Variants in NAB1 observed in about 807,000 individuals in gnomAD.
NAB1 encodes the protein NGFI-A-binding protein 1.
A neutral mutation model predicts 49.9 loss-of-function variants in NAB1; 25 were observed. The observed-to-expected ratio is 0.50, with a 90% confidence interval of 0.37 to 0.70. The LOEUF (loss-of-function observed/expected upper bound fraction) is 0.70. Ranked by LOEUF, NAB1 falls within the 30% of genes least tolerant of loss-of-function variation. The pLI is 0.00. For missense variants in NAB1, 489 were observed against 575.9 expected (o/e 0.85, Z 1.54); for synonymous variants, 198 against 215.6 (o/e 0.92, Z 0.71).
At position 190,689,632 on chromosome 2, in the gene NAB1, C is replaced by T. The variant is rs1028441453; in HGVS notation, c.1376-613C>T. On this transcript the variant is annotated intron_variant, in intron 9 of 9. Coordinates refer to ENST00000337386, the MANE Select transcript of NAB1 (RefSeq NM_005966.4). This position sits in a 1 kb window ranked among gnomAD's most constrained non-coding sequence, Gnocchi z 4.3. Reference sequence around the variant, plus strand: ...TTTGTGTATGGTTGAAATAACTGTACACATAGAACTCCATGGAATGATTTC... The same window carrying T: ...TTTGTGTATGGTTGAAATAACTGTATACATAGAACTCCATGGAATGATTTC... Among the ~76,000 whole-genome samples, 1 of 152,066 alleles carries T rather than the reference C, an allele frequency of 6.6e-6. No homozygotes were observed. Among genetic ancestry groups the T allele is most frequent in the Non-Finnish European group, 1.5e-5 (1 of 67,990 alleles).
intron 4 of NAB1, among the ~76,000 whole-genome samples, chr2:190,668,461 T>G (rs1459287205): frequency 6.6e-6 from 1 of 152,170 alleles, no homozygotes; most frequent in East Asian, 1.9e-4. Flanking sequence ...TTCAATTCAT[T>G]CGTCAGTCAA....
At chr2:190,688,828 T>C (rs28361374) in intron 9 of NAB1, among the ~76,000 whole-genome samples, 5 of 146,440 alleles carry the variant, frequency 3.4e-5, no homozygotes, top group African/African-American at 1.4e-4. Context: ...CCTTTCTTTC[T>C]TTTCTTTTCT....
chr2:190,686,106 G>T lies in NAB1; in HGVS notation c.1258+468G>T, dbSNP rs116881005. Among the ~76,000 whole-genome samples, 1 of 152,162 alleles carries T rather than the reference G, an allele frequency of 6.6e-6. No individual in the cohort carries two copies. The highest frequency in any genetic ancestry group is 2.4e-5 in the African/African-American group (1 of 41,442). ...TCAGGTTTAGAAAGCCATGTGATTC[G>T]TGAGTGTTTTTACCATTCTAAAAAG... On this transcript the variant is annotated intron_variant, in intron 8 of 9. Coordinates refer to ENST00000337386, the MANE Select transcript of NAB1 (RefSeq NM_005966.4). This position sits in a 1 kb window ranked among gnomAD's most constrained non-coding sequence, Gnocchi z 5.5.
rs1443017611 is a variant in NAB1, at chr2:190,684,798, T to G, written c.1096-678T>G. ...ATCACATATAAGTAATTTAGAGCAG[T>G]GCATTGAAAAGGAACTTATAAAACA... is the stretch of plus-strand genomic sequence containing the variant. On this transcript the variant is annotated intron_variant, in intron 7 of 9. Transcript: ENST00000337386. This position sits in a 1 kb window ranked among gnomAD's most constrained non-coding sequence, Gnocchi z 4.6. Among the ~76,000 whole-genome samples, 1 of 152,220 alleles carries G rather than the reference T, an allele frequency of 6.6e-6. No homozygotes were observed. Among genetic ancestry groups the G allele is most frequent in the Non-Finnish European group, 1.5e-5 (1 of 68,032 alleles).
In NAB1 at chr2:190,678,732, C is replaced by T. The variant is rs1695191792; in HGVS notation, c.1006-5006C>T. Among the ~76,000 whole-genome samples the T allele has an allele frequency of 6.6e-6, 1 of 152,210 alleles. No homozygotes were observed. Among genetic ancestry groups the T allele is most frequent in the South Asian group, 2.1e-4 (1 of 4,836 alleles). ...GAAAGAGGTTCAGAATATCCACCTACGCTGCTACTAAGCTTGTTGAAAAGA... is the reference window on the plus strand; with the variant it reads ...GAAAGAGGTTCAGAATATCCACCTATGCTGCTACTAAGCTTGTTGAAAAGA... On this transcript the variant is annotated intron_variant, in intron 6 of 9. Transcript: ENST00000337386. The surrounding 1 kb of genome is among the most constrained non-coding windows in gnomAD (Gnocchi z 4.9).
At position 190,682,044 on chromosome 2, in the gene NAB1, G is replaced by C. The variant is rs1299435352; in HGVS notation, c.1006-1694G>C. Among the ~76,000 whole-genome samples the C allele has an allele frequency of 6.6e-6, 1 of 152,074 alleles. No individual in the cohort carries two copies. Among genetic ancestry groups the C allele is most frequent in the African/African-American group, 2.4e-5 (1 of 41,410 alleles). ...TCACTAAAGTTACTAAAACCATGCTGTCATGATATTTTGTAGTTATAATGA... is the reference window on the plus strand; with the variant it reads ...TCACTAAAGTTACTAAAACCATGCTCTCATGATATTTTGTAGTTATAATGA... On this transcript the variant is annotated intron_variant, in intron 6 of 9. Transcript: ENST00000337386. The surrounding 1 kb of genome is among the most constrained non-coding windows in gnomAD (Gnocchi z 4.1).
chr2:190,665,572 A>T (rs1265224951), intron 4 of NAB1, among the ~76,000 whole-genome samples: 1 of 152,098 alleles, frequency 6.6e-6, no homozygotes, highest in East Asian at 1.9e-4. Flanking sequence ...GATTTATGTG[A>T]ATTCATATTT....
In NAB1 at chr2:190,676,463, T is replaced by G. The variant is rs1695075972; in HGVS notation, c.1005+3311T>G. On this transcript the variant is annotated intron_variant, in intron 6 of 9. Coordinates refer to ENST00000337386, the MANE Select transcript of NAB1 (RefSeq NM_005966.4). The surrounding 1 kb of genome is among the most constrained non-coding windows in gnomAD (Gnocchi z 4.6). ...AATATACAAGACTGAGCATGGTGGC[T>G]TATGACTGTAATCCCAGCACTTTGT... 6.6e-6 allele frequency among the ~76,000 whole-genome samples: 1 copy of G among 152,240 alleles called. No individual in the cohort carries two copies.
In NAB1 at chr2:190,691,307, C is replaced by CTAG. The variant is rs2125912596; in HGVS notation, c.*975_*977dup. 1 of 152,526 alleles carries CTAG rather than the reference C, an allele frequency of 6.6e-6. No homozygotes were observed. The highest frequency in any genetic ancestry group is 2.4e-5 in the African/African-American group (1 of 41,560). 9.4% of individuals were successfully genotyped at this position (152,526 alleles called of 1,614,324 possible). A position where few individuals can be genotyped will look rare whatever the true frequency, so the allele number is the denominator to read the frequency against. On this transcript the variant is annotated 3_prime_UTR_variant, in exon 10 of 10. Coordinates refer to ENST00000337386, the MANE Select transcript of NAB1 (RefSeq NM_005966.4). This position sits in a 1 kb window ranked among gnomAD's most constrained non-coding sequence, Gnocchi z 4.1. Reference sequence around the variant, plus strand: ...TCTCTATGTAGAGAAGTCAGAGAGACTAGATGCTTTCACTAGGGAATGTCT... The same window carrying CTAG: ...TCTCTATGTAGAGAAGTCAGAGAGACTAGTAGATGCTTTCACTAGGGAATGTCT...
In NAB1 at chr2:190,676,961, GGAAAGA is replaced by G. The variant is rs1423044185; in HGVS notation, c.1005+3814_1005+3819del. 1 of 152,128 alleles carries G rather than the reference GGAAAGA, an allele frequency of 6.6e-6. No individual in the cohort carries two copies. Among genetic ancestry groups the G allele is most frequent in the Non-Finnish European group, 1.5e-5 (1 of 68,022 alleles). 9.4% of individuals were successfully genotyped at this position (152,128 alleles called of 1,614,324 possible). A position where few individuals can be genotyped will look rare whatever the true frequency, so the allele number is the denominator to read the frequency against. On this transcript the variant is annotated intron_variant, in intron 6 of 9. Coordinates refer to ENST00000337386, the MANE Select transcript of NAB1 (RefSeq NM_005966.4). The surrounding 1 kb of genome is among the most constrained non-coding windows in gnomAD (Gnocchi z 4.6). ...ACATCAAAATAATTTGACATGTAAA[GGAAAGA>G]GAAACATTTTTTTGCTTGTCATTAT...
At chr2:190,658,744 T>A (rs1433465294) in intron 3 of NAB1, among the ~76,000 whole-genome samples, 3 of 152,240 alleles carry the variant, frequency 2.0e-5, no homozygotes, top group Admixed American at 2.0e-4. Context: ...AAAGTGTTTA[T>A]TGTATTGCCT....
At chr2:190,658,290 A>C (rs886341059) in intron 3 of NAB1, among the ~76,000 whole-genome samples, 1 of 152,146 alleles carries the variant, frequency 6.6e-6, no homozygotes, top group African/African-American at 2.4e-5. Context: ...GGGCCATTCT[A>C]CATAAGCCTT....
At chr2:190,662,040 C>T (rs1350267721) in intron 4 of NAB1, among the ~76,000 whole-genome samples, 2 of 152,080 alleles carry the variant, frequency 1.3e-5, no homozygotes, top group African/African-American at 2.4e-5. Flanking sequence ...TTCTAAGTTC[C>T]TGAGATTAAA....
Position 190,667,756 on chromosome 2 carries a change from A to G in NAB1, c.820-2570A>G, listed in dbSNP as rs188986114. Among the ~76,000 whole-genome samples, 1 of 152,304 alleles carries G rather than the reference A, an allele frequency of 6.6e-6. No individual in the cohort carries two copies. The highest frequency in any genetic ancestry group is 2.4e-5 in the African/African-American group (1 of 41,560). ...AAATATCTATATCATACCATGTACC[A>G]TAACACATTCTAGATGGTTTAAATA... On this transcript the variant is annotated intron_variant, in intron 4 of 9. Coordinates refer to ENST00000337386, the MANE Select transcript of NAB1 (RefSeq NM_005966.4). This position sits in a 1 kb window ranked among gnomAD's most constrained non-coding sequence, Gnocchi z 4.4.
rs1224289258 is a variant in NAB1 at position 190,692,231 on chromosome 2, TG to T, written c.*1899del. ...TATTCTAATCTATTTTGAAACATTT[TG>T]TTTTTTTTTAATTGTGTCTTACAGT... On this transcript the variant is annotated 3_prime_UTR_variant, in exon 10 of 10. Coordinates refer to ENST00000337386, the MANE Select transcript of NAB1 (RefSeq NM_005966.4). The surrounding 1 kb of genome is among the most constrained non-coding windows in gnomAD (Gnocchi z 5.2). The T allele has an allele frequency of 1.3e-5, 2 of 152,658 alleles. No homozygotes were observed. The highest frequency in any genetic ancestry group is 2.4e-5 in the African/African-American group (1 of 41,454). The allele number at this position is 152,658 out of a possible 1,614,324, so 9.5% of individuals were successfully genotyped here.
chr2:190,677,251 T>C lies in NAB1; in HGVS notation c.1005+4099T>C, dbSNP rs1228618866. ...TTGCATAGAAGTAATCAAGATAATCTGTTGTCCTTAAATAGTGTTCCTCCT... is the reference window on the plus strand; with the variant it reads ...TTGCATAGAAGTAATCAAGATAATCCGTTGTCCTTAAATAGTGTTCCTCCT... On this transcript the variant is annotated intron_variant, in intron 6 of 9. Transcript: ENST00000337386. The surrounding 1 kb of genome is among the most constrained non-coding windows in gnomAD (Gnocchi z 5.6). 1 of 152,214 alleles carries C rather than the reference T, an allele frequency of 6.6e-6. No homozygotes were observed. The highest frequency in any genetic ancestry group is 1.5e-5 in the Non-Finnish European group (1 of 68,032). The allele number at this position is 152,214 out of a possible 1,614,324, so 9.4% of individuals were successfully genotyped here. A position where few individuals can be genotyped will look rare whatever the true frequency, so the allele number is the denominator to read the frequency against.
At position 190,670,264 on chromosome 2, in the gene NAB1, C is replaced by A; in HGVS notation, c.820-62C>A. 1.4e-6 allele frequency: 2 copies of A among 1,455,866 alleles called. No individual in the cohort carries two copies. Among genetic ancestry groups the A allele is most frequent in the Non-Finnish European group, 1.9e-6 (2 of 1,067,918 alleles). 90.2% of individuals were successfully genotyped at this position (1,455,866 alleles called of 1,614,324 possible). On this transcript the variant is annotated intron_variant, in intron 4 of 9. Transcript: ENST00000337386. The surrounding 1 kb of genome is among the most constrained non-coding windows in gnomAD (Gnocchi z 5.3). ...TAACATTCTTATATTTTAAGTGAAACCTTTTGCATTTTGATGAAATTAAAA... is the reference window on the plus strand; with the variant it reads ...TAACATTCTTATATTTTAAGTGAAAACTTTTGCATTTTGATGAAATTAAAA...
chr2:190,659,586 A>G lies in NAB1; in HGVS notation c.410A>G (p.Gln137Arg), dbSNP rs1294650024. Residue 137 changes from glutamine to arginine, a missense_variant, in exon 4 of 10, where the codon CAG (glutamine) becomes CGG (arginine). Physicochemically the swap from Gln to Arg is conservative, Grantham distance 43. Around this residue, in one of 4 missense-constraint regions of NAB1, gnomAD observed 204 missense variants for 220.9 expected, o/e 0.92. Coordinates refer to ENST00000337386, the MANE Select transcript of NAB1 (RefSeq NM_005966.4). This position sits in a 1 kb window ranked among gnomAD's most constrained non-coding sequence, Gnocchi z 6.2. ...IPKCAATTCV[Q>R]SLGQGKSDVV... is the part of the protein sequence containing the mutation. ...AAATGTGCTGCCACCACCTGTGTGC[A>G]GAGCTTGGGACAGGGGAAGTCAGAT... The G allele has an allele frequency of 6.2e-7, 1 of 1,614,116 alleles. No individual in the cohort carries two copies. The highest frequency in any genetic ancestry group is 1.3e-5 in the African/African-American group (1 of 74,938).
rs1224103438 is a variant in NAB1 at position 190,652,553 on chromosome 2, C to T, written c.-197+2571C>T. Reference sequence around the variant, plus strand: ...TTTTTATTAAAATTTTAAGGTGTCTCTAAAATTTTTTTCCAGCTTCATTCA... The same window carrying T: ...TTTTTATTAAAATTTTAAGGTGTCTTTAAAATTTTTTTCCAGCTTCATTCA... On this transcript the variant is annotated intron_variant, in intron 2 of 9. Transcript: ENST00000337386. This position sits in a 1 kb window ranked among gnomAD's most constrained non-coding sequence, Gnocchi z 4.2. Among the ~76,000 whole-genome samples the T allele has an allele frequency of 6.6e-6, 1 of 152,148 alleles. No individual in the cohort carries two copies. Among genetic ancestry groups the T allele is most frequent in the Non-Finnish European group, 1.5e-5 (1 of 68,012 alleles).
Sources: allele counts gnomAD v4.1 joint callset (sites outside exome capture counted in the v4.1 genomes callset), GRCh38; gene constraint gnomAD v4.1.1; regional missense constraint gnomAD v4.1.1; non-coding constraint Gnocchi (gnomAD v3.1); transcripts MANE v1.5; gene names NCBI Gene and HGNC (gene_info 2026-07-23, HGNC 2026-07-21).